Variants in NUF2 observed in about 807,000 individuals in gnomAD.
NUF2 encodes the protein NUF2 component of NDC80 kinetochore complex.
Under a neutral mutation model 61.8 loss-of-function variants are expected in NUF2, and 34 were observed. The observed-to-expected ratio is 0.55, with a 90% confidence interval of 0.42 to 0.73. The LOEUF (loss-of-function observed/expected upper bound fraction) is 0.73. NUF2 is among the 30% of genes least tolerant of loss of function. NUF2 has a pLI of 0.00. For missense variants in NUF2, 445 were observed against 539.1 expected (o/e 0.83, Z 1.73); for synonymous variants, 172 against 181.6 (o/e 0.95, Z 0.42).
chr1:163,334,734 G>A (rs982914525), intron 5 of NUF2, among the ~76,000 whole-genome samples: 7 of 152,100 alleles, frequency 4.6e-5, no homozygotes, highest in African/African-American at 1.2e-4. Context: ...AGCTATGATC[G>A]TGCCACTGCA....
chr1:163,347,948 T>C lies in NUF2; in HGVS notation c.1124+10T>C. ...AACGCACAGTAATTGAGTATGGAGT[T>C]GTTTTCAATTTTAGTGTATTAGAAA... is the stretch of plus-strand genomic sequence containing the variant. On this transcript the variant is annotated intron_variant, in intron 12 of 13. Transcript: ENST00000271452. 6.8e-7 allele frequency: 1 copy of C among 1,478,454 alleles called. No homozygotes were observed. The highest frequency in any genetic ancestry group is 9.0e-7 in the Non-Finnish European group (1 of 1,110,232). 91.6% of individuals were successfully genotyped at this position (1,478,454 alleles called of 1,614,324 possible).
intron 5 of NUF2, among the ~76,000 whole-genome samples, chr1:163,331,025 C>CTTTTTTT (rs35181525): frequency 7.4e-6 from 1 of 134,962 alleles, no homozygotes; most frequent in Non-Finnish European, 1.6e-5. Flanking sequence ...GCCTTTTATT[C>CTTTTTTT]TTTTTTTTTT....
At chr1:163,330,533 G>A (rs991132742) in intron 5 of NUF2, among the ~76,000 whole-genome samples, 3 of 151,876 alleles carry the variant, frequency 2.0e-5, no homozygotes, top group Admixed American at 2.0e-4. Context: ...GATTATTTTG[G>A]CTATTCTGGT....
chr1:163,325,981 A>G, intron 1 of NUF2, 51 bp from the exon 2 acceptor site: 1 of 1,412,940 alleles, frequency 7.1e-7, no homozygotes, highest in South Asian at 1.2e-5. Flanking sequence ...GTTTCCAGAT[A>G]ATGAGAACTA....
rs1571395557 is a variant in NUF2 at position 163,345,883 on chromosome 1, T to C, written c.948+65T>C. On this transcript the variant is annotated intron_variant, in intron 11 of 13. Coordinates refer to ENST00000271452, the MANE Select transcript of NUF2 (RefSeq NM_145697.3). The stretch of plus-strand genomic sequence containing the variant: ...CAGCTTACTATAGTTCCTTGTATTT[T>C]GCTTTCACTTTTTGTTATGTTTTCC... 6 of 1,173,100 alleles carry C rather than the reference T, an allele frequency of 5.1e-6. No individual in the cohort carries two copies. The East Asian group carries it at 1.5e-4, about 29-fold the overall frequency. The allele number at this position is 1,173,100 out of a possible 1,614,324, so 72.7% of individuals were successfully genotyped here. A position where few individuals can be genotyped will look rare whatever the true frequency, so the allele number is the denominator to read the frequency against.
intron 2 of NUF2, among the ~76,000 whole-genome samples, chr1:163,327,086 G>T (rs1269888584): frequency 7.3e-6 from 1 of 136,158 alleles, no homozygotes; most frequent in East Asian, 2.2e-4. Flanking sequence ...CAGCAAACAA[G>T]GTTTCCTGTG....
At chr1:163,352,878 A>T (rs534944786) in intron 13 of NUF2, among the ~76,000 whole-genome samples, 1 of 152,232 alleles carries the variant, frequency 6.6e-6, no homozygotes, top group South Asian at 2.1e-4. Context: ...AAAAAAAAAA[A>T]ATATTCTATC....
intron 13 of NUF2, among the ~76,000 whole-genome samples, chr1:163,351,260 T>A (rs1651306259): frequency 6.6e-6 from 1 of 152,162 alleles, no homozygotes; most frequent in Admixed American, 6.5e-5. Flanking sequence ...AATATTGGGG[T>A]AGATTTTTAG....
At chr1:163,333,772 C>T (rs1178097747) in intron 5 of NUF2, among the ~76,000 whole-genome samples, 2 of 152,070 alleles carry the variant, frequency 1.3e-5, no homozygotes, top group South Asian at 2.1e-4. Flanking sequence ...ACACCTTAAT[C>T]GATATTAGAT....
chr1:163,339,250 C>T, intron 7 of NUF2, 131 bp from the exon 8 acceptor site: 1 of 596,392 alleles, frequency 1.7e-6, no homozygotes, highest in South Asian at 2.2e-5. Context: ...TAAATGATTG[C>T]CACATGAAAG....
rs751376342 is a variant in NUF2 at position 163,328,846 on chromosome 1, G to A, written c.276G>A (p.Leu92=). Residue 92 remains leucine, a splice_region_variant and synonymous_variant, in exon 5 of 14, where the codon CTG becomes CTA. Coordinates refer to ENST00000271452, the MANE Select transcript of NUF2 (RefSeq NM_145697.3). ...AGTCTTTTTGTACTTCATCTTCAAG[G>A]GACTCATTTTTGCCTATCTGCCGGG... ...FLPFSNLVTH[L]DSFLPICRVN... 2 of 1,591,376 alleles carry A rather than the reference G, an allele frequency of 1.3e-6. No homozygotes were observed. The highest frequency in any genetic ancestry group is 1.7e-6 in the Non-Finnish European group (2 of 1,160,422).
At chr1:163,329,852 T>C (rs931715698) in intron 5 of NUF2, among the ~76,000 whole-genome samples, 5 of 152,168 alleles carry the variant, frequency 3.3e-5, no homozygotes, top group Non-Finnish European at 5.9e-5. Flanking sequence ...ATCTAGAGAA[T>C]AGAAGTTATT....
In NUF2 at chr1:163,345,698, T is replaced by C. The variant is rs200015425; in HGVS notation, c.828T>C (p.Tyr276=). Reference sequence around the variant, plus strand: ...CAAAGCAAGAAGTGGTGGAGAAATATGAAATCTATGGAGACTCAGTTGACT... The same window carrying C: ...CAAAGCAAGAAGTGGTGGAGAAATACGAAATCTATGGAGACTCAGTTGACT... The part of the protein sequence containing the change: ...KNARQEVVEK[Y]EIYGDSVDCL... Residue 276 remains tyrosine (Y), a synonymous_variant, in exon 11 of 14, where the codon TAT becomes TAC. Coordinates refer to ENST00000271452, the MANE Select transcript of NUF2 (RefSeq NM_145697.3). 2 of 1,611,368 alleles carry C rather than the reference T, an allele frequency of 1.2e-6. No homozygotes were observed. The highest frequency in any genetic ancestry group is 1.7e-5 in the Admixed American group (1 of 59,470).
chr1:163,331,974 ATTT>A, intron 5 of NUF2, among the ~76,000 whole-genome samples: 1 of 151,496 alleles, frequency 6.6e-6, no homozygotes, highest in South Asian at 2.1e-4. Context: ...TTATTATTGA[ATTT>A]TGAGCTTATT....
At chr1:163,331,947 G>A (rs2345032) in intron 5 of NUF2, among the ~76,000 whole-genome samples, 62,927 of 151,052 alleles carry the variant, frequency 0.42, 13,434 homozygotes, top group South Asian at 0.59. Flanking sequence ...TGACTTTTCT[G>A]TATTTCTGGT....
At chr1:163,326,380 A>G (rs550278386) in intron 2 of NUF2, among the ~76,000 whole-genome samples, 2 of 146,738 alleles carry the variant, frequency 1.4e-5, no homozygotes, top group African/African-American at 5.0e-5. Flanking sequence ...ATTAGGATTC[A>G]ATTCTTTAAT....
intron 11 of NUF2, among the ~76,000 whole-genome samples, chr1:163,347,126 G>A (rs927537163): frequency 6.6e-6 from 1 of 152,164 alleles, no homozygotes; most frequent in African/African-American, 2.4e-5. Flanking sequence ...GCCCAACACT[G>A]TATCTAGGAC....
intron 11 of NUF2, among the ~76,000 whole-genome samples, chr1:163,346,908 A>C (rs185387285): frequency 6.6e-6 from 1 of 152,304 alleles, no homozygotes; most frequent in Admixed American, 6.5e-5. Flanking sequence ...GCAAGATTTA[A>C]TCACACTACT....
chr1:163,345,102 G>A (rs1651079026), intron 10 of NUF2, among the ~76,000 whole-genome samples: 1 of 152,036 alleles, frequency 6.6e-6, no homozygotes, highest in African/African-American at 2.4e-5. Context: ...GACAGGTAGA[G>A]GGATTATATC....
Sources: allele counts gnomAD v4.1 joint callset (sites outside exome capture counted in the v4.1 genomes callset), GRCh38; gene constraint gnomAD v4.1.1; transcripts MANE v1.5; gene names NCBI Gene and HGNC (gene_info 2026-07-23, HGNC 2026-07-21).